Variants in ADD3 observed in about 807,000 individuals in gnomAD.
ADD3 encodes gamma-adducin.
ADD3 carries 25 observed loss-of-function variants against 80.2 expected under a neutral mutation model. That is an observed-to-expected ratio of 0.31 (90% CI 0.23 to 0.44). The LOEUF is 0.44. Ranked by LOEUF, ADD3 falls within the 20% of genes least tolerant of loss-of-function variation. The pLI, the probability that ADD3 is intolerant of heterozygous loss-of-function variation, is 1.00. For missense variants in ADD3, 829 were observed against 847.5 expected (o/e 0.98, Z 0.27); for synonymous variants, 284 against 289.6 (o/e 0.98, Z 0.20).
intron 6 of ADD3, 86 bp downstream of exon 6, chr10:110,118,822 C>A: frequency 7.5e-7 from 1 of 1,332,092 alleles, no homozygotes. Context: ...TTACTATCTG[C>A]TTTTCAAAAT....
At chr10:110,065,112 A>G (rs1307695005) in intron 1 of ADD3, among the ~76,000 whole-genome samples, 1 of 152,170 alleles carries the variant, frequency 6.6e-6, no homozygotes, top group Non-Finnish European at 1.5e-5. Context: ...CTGCCCTTCC[A>G]GTTTTAATTT....
At chr10:110,048,982 A>G (rs1195875639) in intron 1 of ADD3, among the ~76,000 whole-genome samples, 1 of 152,184 alleles carries the variant, frequency 6.6e-6, no homozygotes, top group African/African-American at 2.4e-5. Context: ...CATGGAGGAA[A>G]AAATGGTTTC....
chr10:110,106,369 G>T (rs1389201822), intron 2 of ADD3, among the ~76,000 whole-genome samples: 1 of 151,076 alleles, frequency 6.6e-6, no homozygotes, highest in Non-Finnish European at 1.5e-5. Flanking sequence ...AAATCAAATT[G>T]GTTCTCTTTT....
In ADD3 at chr10:110,035,645, T is replaced by C. The variant is rs547565039; in HGVS notation, c.-30+27346T>C. 2.0e-4 allele frequency among the ~76,000 whole-genome samples: 31 copies of C among 152,298 alleles called. No homozygotes were observed. The South Asian group carries it at 6.2e-3, about 31-fold the overall frequency. ...GACTAGTGGTACTCAGACTTTAGCA[T>C]GCATTGGAAGCACCTGGAGGGCTTG... On this transcript the variant is annotated intron_variant, in intron 1 of 14. Transcript: ENST00000356080.
intron 1 of ADD3, among the ~76,000 whole-genome samples, chr10:110,055,939 C>CG (rs1390201366): frequency 6.6e-6 from 1 of 152,138 alleles, no homozygotes; most frequent in African/African-American, 2.4e-5. Flanking sequence ...AAGACAGTAA[C>CG]GGTCAAATGA....
At chr10:110,004,077 A>G (rs2132865870), upstream of ADD3, among the ~76,000 whole-genome samples, 1 of 152,016 alleles carries the variant, frequency 6.6e-6, no homozygotes, top group East Asian at 1.9e-4. Flanking sequence ...GATGTGGGGG[A>G]ATGCTTTGAA....
chr10:110,115,393 A>G (rs999753788), intron 3 of ADD3, among the ~76,000 whole-genome samples: 1 of 152,134 alleles, frequency 6.6e-6, no homozygotes, highest in Non-Finnish European at 1.5e-5. Flanking sequence ...CCGTCTCAAA[A>G]AAAAACAAAA....
intron 3 of ADD3, among the ~76,000 whole-genome samples, chr10:110,113,554 A>G (rs1260236211): frequency 6.6e-6 from 1 of 152,218 alleles, no homozygotes; most frequent in Non-Finnish European, 1.5e-5. Context: ...GGCCTGAGCC[A>G]CTGCACCAGG....
chr10:110,023,336 C>T (rs1853905826), intron 1 of ADD3, among the ~76,000 whole-genome samples: 1 of 152,184 alleles, frequency 6.6e-6, no homozygotes. Flanking sequence ...TTACCAGACA[C>T]TGAGTCTGCC....
chr10:110,080,141 C>T (rs952721325), intron 1 of ADD3, among the ~76,000 whole-genome samples: 1 of 152,062 alleles, frequency 6.6e-6, no homozygotes, highest in African/African-American at 2.4e-5. Context: ...ATTCATGGGT[C>T]GGGGTGGGTA....
At chr10:110,064,345 A>T (rs1843643067) in intron 1 of ADD3, among the ~76,000 whole-genome samples, 1 of 152,164 alleles carries the variant, frequency 6.6e-6, no homozygotes, top group East Asian at 1.9e-4. Context: ...GTACTAATTG[A>T]CATACCAACT....
chr10:110,014,922 G>A (rs947163642), intron 1 of ADD3, among the ~76,000 whole-genome samples: 5 of 152,118 alleles, frequency 3.3e-5, no homozygotes, highest in Non-Finnish European at 7.3e-5. Context: ...TTGCCAGGCT[G>A]GAGTGCAGTG....
chr10:110,037,082 C>G (rs1240391472), intron 1 of ADD3, among the ~76,000 whole-genome samples: 4 of 152,112 alleles, frequency 2.6e-5, no homozygotes, highest in East Asian at 1.9e-4. Context: ...AAAGAAAATA[C>G]TAGTTGGAAA....
At chr10:110,007,747 C>T (rs901297586), upstream of ADD3, among the ~76,000 whole-genome samples, 80 of 152,024 alleles carry the variant, frequency 5.3e-4, no homozygotes, top group Non-Finnish European at 1.9e-4. Context: ...GGGGCGGGAC[C>T]AGGACTCCCG....
chr10:110,043,991 G>A (rs1158721199), intron 1 of ADD3, among the ~76,000 whole-genome samples: 1 of 152,048 alleles, frequency 6.6e-6, no homozygotes, highest in Non-Finnish European at 1.5e-5. Flanking sequence ...GGCGGATCAC[G>A]AGGTCAAGAG....
chr10:110,121,942 A>G (rs758763749), intron 8 of ADD3, 168 bp from the exon 9 acceptor site: 1 of 498,748 alleles, frequency 2.0e-6, no homozygotes, highest in Non-Finnish European at 3.4e-6. Flanking sequence ...GGTGGAAAAG[A>G]TACTTCAGCT....
intron 1 of ADD3, among the ~76,000 whole-genome samples, chr10:110,033,056 C>T (rs1393956308): frequency 6.6e-6 from 1 of 152,226 alleles, no homozygotes; most frequent in Non-Finnish European, 1.5e-5. Context: ...TTTAATCATT[C>T]ATCCCTTTAA....
intron 1 of ADD3, among the ~76,000 whole-genome samples, chr10:110,011,574 G>T (rs561235249): frequency 6.6e-6 from 1 of 152,106 alleles, no homozygotes; most frequent in Non-Finnish European, 1.5e-5. Context: ...ACTAAACACT[G>T]TTTTTGTTAT....
intron 1 of ADD3, among the ~76,000 whole-genome samples, chr10:110,091,762 A>G (rs974490817): frequency 2.0e-5 from 3 of 152,216 alleles, no homozygotes; most frequent in African/African-American, 7.2e-5. Context: ...GACATAATTA[A>G]AGAGCCTTCT....
Sources: allele counts gnomAD v4.1 joint callset (sites outside exome capture counted in the v4.1 genomes callset), GRCh38; gene constraint gnomAD v4.1.1; transcripts MANE v1.5; gene names NCBI Gene and HGNC (gene_info 2026-07-23, HGNC 2026-07-21).